TMEM132B: variants seen among roughly 807,000 people sequenced by gnomAD.
The protein encoded by TMEM132B is transmembrane protein 132B.
In TMEM132B, 18 loss-of-function variants were observed where a neutral mutation model predicts 90.8. The observed-to-expected ratio is 0.20, with a 90% CI of 0.14 to 0.29. TMEM132B has a LOEUF of 0.29. Ranked by LOEUF, TMEM132B falls within the 10% of genes least tolerant of loss-of-function variation. TMEM132B has a pLI of 1.00. For missense variants in TMEM132B, 1,096 were observed against 1,326.8 expected (o/e 0.83, Z 2.70); for synonymous variants, 504 against 523.3 (o/e 0.96, Z 0.50).
rs577065686 is a variant in TMEM132B at position 125,213,660 on chromosome 12, C to T, written c.67+26794C>T. On this transcript the variant is annotated intron_variant, in intron 1 of 8. Coordinates refer to ENST00000682704, the MANE Select transcript of TMEM132B (RefSeq NM_001366854.1). This position sits in a 1 kb window ranked among gnomAD's most constrained non-coding sequence, Gnocchi z 4.2. ...TTTTCTGTCTAGCACTTATCACTAT[C>T]TGAATGAGTCTCCCTTGTTGCCTGG... Among the ~76,000 whole-genome samples, 20 of 152,256 alleles carry T rather than the reference C, an allele frequency of 1.3e-4. No individual in the cohort carries two copies. Among genetic ancestry groups the T allele is most frequent in the Non-Finnish European group, 2.5e-4 (17 of 68,050 alleles).
chr12:125,350,322 T>G lies in TMEM132B; in HGVS notation c.938T>G (p.Val313Gly). ...TFLVSLTSSS[V>G]ADQFTLRIKA... ...TTGGTCTCTCTGACCAGTAGCTCTG[T>G]GGCAGACCAGTTCACTCTTAGGTAA... Residue 313 changes from valine to glycine, a missense_variant, in exon 2 of 9, where the codon GTG becomes GGG. Coordinates refer to ENST00000682704, the MANE Select transcript of TMEM132B (RefSeq NM_001366854.1). The G allele has an allele frequency of 1.2e-6, 2 of 1,613,132 alleles. No homozygotes were observed. Among genetic ancestry groups the G allele is most frequent in the Non-Finnish European group, 1.7e-6 (2 of 1,179,822 alleles).
At chr12:125,465,427 C>T (rs1881537745) in intron 3 of TMEM132B, among the ~76,000 whole-genome samples, 1 of 152,212 alleles carries the variant, frequency 6.6e-6, no homozygotes, top group Non-Finnish European at 1.5e-5. Context: ...GCAATAACTC[C>T]TCTTATTAAT....
At chr12:125,518,034 C>T (rs778174905) in intron 3 of TMEM132B, among the ~76,000 whole-genome samples, 23 of 152,230 alleles carry the variant, frequency 1.5e-4, no homozygotes, top group South Asian at 4.1e-4. Flanking sequence ...TCAGAGAGTT[C>T]CTTAAAATCT....
intron 1 of TMEM132B, among the ~76,000 whole-genome samples, chr12:125,197,510 C>G (rs1184873642): frequency 6.6e-6 from 1 of 152,196 alleles, no homozygotes; most frequent in Non-Finnish European, 1.5e-5. Flanking sequence ...TGGCCCTCTA[C>G]TTGTTTTTTA....
intron 5 of TMEM132B, among the ~76,000 whole-genome samples, chr12:125,618,328 G>A (rs189589855): frequency 1.3e-5 from 2 of 152,288 alleles, no homozygotes; most frequent in East Asian, 3.9e-4. Flanking sequence ...TGGAGGAAGG[G>A]AGCCTGTGTC....
chr12:125,348,243 C>G (rs1877427888), intron 1 of TMEM132B, among the ~76,000 whole-genome samples: 1 of 152,042 alleles, frequency 6.6e-6, no homozygotes, highest in African/African-American at 2.4e-5. Context: ...GTTGATCAAC[C>G]TATTGAATAT....
intron 2 of TMEM132B, among the ~76,000 whole-genome samples, chr12:125,401,845 G>A (rs1311590724): frequency 6.6e-6 from 1 of 151,602 alleles, no homozygotes; most frequent in Non-Finnish European, 1.5e-5. Context: ...TTTCTTCCTT[G>A]AGAAATGAAA....
intron 2 of TMEM132B, among the ~76,000 whole-genome samples, chr12:125,388,215 G>A (rs1878902873): frequency 6.6e-6 from 1 of 152,134 alleles, no homozygotes; most frequent in Non-Finnish European, 1.5e-5. Context: ...ATCACTTGAG[G>A]TGGGGAGTTC....
chr12:125,542,969 C>T (rs1883993542), intron 4 of TMEM132B, among the ~76,000 whole-genome samples: 1 of 152,146 alleles, frequency 6.6e-6, no homozygotes, highest in African/African-American at 2.4e-5. Flanking sequence ...TTTGCTTTCT[C>T]AGGAAATGAG....
chr12:125,208,201 C>T (rs943352345), intron 1 of TMEM132B, among the ~76,000 whole-genome samples: 26 of 152,220 alleles, frequency 1.7e-4, no homozygotes, highest in African/African-American at 5.8e-4. Context: ...ATCAGTTAGG[C>T]AATGAATGGA....
chr12:125,231,433 G>A (rs79387352), intron 1 of TMEM132B, among the ~76,000 whole-genome samples: 4,035 of 152,122 alleles, frequency 0.027, 171 homozygotes, highest in African/African-American at 0.091. Context: ...AGAAATGTGG[G>A]GTTTTTGGAC....
chr12:125,555,737 A>T (rs1003623733), intron 4 of TMEM132B, among the ~76,000 whole-genome samples: 4 of 151,498 alleles, frequency 2.6e-5, no homozygotes, highest in East Asian at 1.9e-4. Context: ...TATATATATA[A>T]AAAGAAAAGA....
At chr12:125,601,788 C>G (rs200778156) in intron 5 of TMEM132B, among the ~76,000 whole-genome samples, 10,680 of 152,242 alleles carry the variant, frequency 0.07, 415 homozygotes, top group East Asian at 0.13. Context: ...GATATCACCA[C>G]TGACCCCACA....
chr12:125,473,224 C>T (rs1474703004), intron 3 of TMEM132B, among the ~76,000 whole-genome samples: 1 of 152,146 alleles, frequency 6.6e-6, no homozygotes, highest in Admixed American at 6.5e-5. Flanking sequence ...GATGCATTCC[C>T]TGCCCTCTTC....
intron 2 of TMEM132B, among the ~76,000 whole-genome samples, chr12:125,359,131 C>T (rs1047526435): frequency 6.6e-6 from 1 of 152,212 alleles, no homozygotes; most frequent in Non-Finnish European, 1.5e-5. Flanking sequence ...GCCCCCACAT[C>T]TCTTGCTTGA....
intron 2 of TMEM132B, among the ~76,000 whole-genome samples, chr12:125,403,011 A>G (rs557804506): frequency 2.6e-5 from 4 of 152,298 alleles, no homozygotes; most frequent in African/African-American, 9.6e-5. Context: ...ATATTTTTAC[A>G]CATCCAATTG....
At chr12:125,444,355 C>G (rs1031276236) in intron 3 of TMEM132B, among the ~76,000 whole-genome samples, 5 of 152,098 alleles carry the variant, frequency 3.3e-5, no homozygotes, top group African/African-American at 1.2e-4. Context: ...AGTTTTCTCT[C>G]CTGTCTTTCT....
chr12:125,217,768 T>C (rs1041435744), intron 1 of TMEM132B, among the ~76,000 whole-genome samples: 11 of 152,176 alleles, frequency 7.2e-5, no homozygotes, highest in African/African-American at 2.7e-4. Context: ...TTCCTTTAAT[T>C]CTAAATGCAC....
In TMEM132B at chr12:125,460,632, C is replaced by A. The variant is rs1302025901; in HGVS notation, c.1106+44955C>A. ...TACTGCTCAACCGTTTGAGTATCTG[C>A]GGCCTTTTCATTGTTCTCAGCCCAT... On this transcript the variant is annotated intron_variant, in intron 3 of 8. Coordinates refer to ENST00000682704, the MANE Select transcript of TMEM132B (RefSeq NM_001366854.1). The surrounding 1 kb of genome is among the most constrained non-coding windows in gnomAD (Gnocchi z 4.4). 6.6e-6 allele frequency among the ~76,000 whole-genome samples: 1 copy of A among 152,224 alleles called. No homozygotes were observed. The highest frequency in any genetic ancestry group is 2.4e-5 in the African/African-American group (1 of 41,456).
Sources: allele counts gnomAD v4.1 joint callset (sites outside exome capture counted in the v4.1 genomes callset), GRCh38; gene constraint gnomAD v4.1.1; non-coding constraint Gnocchi (gnomAD v3.1); transcripts MANE v1.5; gene names NCBI Gene and HGNC (gene_info 2026-07-23, HGNC 2026-07-21).